The following SIPA1L3 variants were observed in gnomAD, a reference collection of about 807,000 sequenced individuals.
SIPA1L3 encodes signal-induced proliferation-associated 1-like protein 3.
SIPA1L3 carries 59 observed loss-of-function variants against 150.1 expected under a neutral mutation model. The observed-to-expected ratio is 0.39, with a 90% CI of 0.32 to 0.49. The LOEUF is 0.49. SIPA1L3 is among the 20% of genes least tolerant of loss of function. The pLI, the probability that SIPA1L3 is intolerant of heterozygous loss-of-function variation, is 0.86. For synonymous variants in SIPA1L3, 1,070 were observed against 1,077.6 expected (o/e 0.99, Z 0.14); for missense variants, 2,211 against 2,489.5 (o/e 0.89, Z 2.38).
chr19:38,052,417 T>C (rs961567585), intron 2 of SIPA1L3, among the ~76,000 whole-genome samples: 3 of 152,184 alleles, frequency 2.0e-5, no homozygotes, highest in African/African-American at 7.2e-5. Flanking sequence ...AGGGCAGTGT[T>C]GGGCGGAGGC....
At chr19:37,961,808 A>G (rs73034922) in intron 1 of SIPA1L3, among the ~76,000 whole-genome samples, 39,921 of 151,916 alleles carry the variant, frequency 0.26, 6,108 homozygotes, top group Non-Finnish European at 0.36. Flanking sequence ...TTCGTATTCA[A>G]TCTTTCTTAC....
chr19:38,112,350 T>C (rs977198917), intron 8 of SIPA1L3, among the ~76,000 whole-genome samples: 5 of 152,128 alleles, frequency 3.3e-5, no homozygotes, highest in Admixed American at 6.6e-5. Context: ...GGCAGCCTTC[T>C]TATGATGCAT....
In SIPA1L3 at chr19:38,045,761, T is replaced by C. The variant is rs966229681; in HGVS notation, c.-311+16605T>C. On this transcript the variant is annotated intron_variant, in intron 2 of 21. Coordinates refer to ENST00000222345, the MANE Select transcript of SIPA1L3 (RefSeq NM_015073.3). ...CTGGGGTGGGCTGGAGGCTGGGGCA[T>C]TTTGGCTGGGAGAATAGTCTGTGTG... Among the ~76,000 whole-genome samples the C allele has an allele frequency of 4.0e-5, 6 of 151,730 alleles. No homozygotes were observed. The East Asian group carries it at 1.2e-3, about 29-fold the overall frequency.
chr19:38,106,474 G>A (rs764851309), intron 6 of SIPA1L3, 63 bp from the exon 7 acceptor site: 14 of 1,037,132 alleles, frequency 1.3e-5, no homozygotes, highest in Middle Eastern at 2.0e-4. Context: ...CAGATGGTAC[G>A]TGGGATATGG....
chr19:38,129,326 C>T (rs1971254608), intron 9 of SIPA1L3, among the ~76,000 whole-genome samples: 1 of 151,976 alleles, frequency 6.6e-6, no homozygotes, highest in Admixed American at 6.6e-5. Context: ...GTTTCTTCCT[C>T]CAAGAATGGT....
At chr19:38,033,524 C>CA (rs925055947) in intron 2 of SIPA1L3, among the ~76,000 whole-genome samples, 2 of 152,048 alleles carry the variant, frequency 1.3e-5, no homozygotes, top group Non-Finnish European at 2.9e-5. Context: ...TCCATCTCTA[C>CA]AAAAAATGTT....
intron 1 of SIPA1L3, among the ~76,000 whole-genome samples, chr19:37,988,848 C>A (rs919555713): frequency 1.3e-5 from 2 of 152,270 alleles, no homozygotes; most frequent in Middle Eastern, 3.4e-3. Context: ...GCACCAGGCA[C>A]GTTCGCTCTC....
intron 13 of SIPA1L3, among the ~76,000 whole-genome samples, chr19:38,158,265 G>T (rs1201940482): frequency 6.6e-6 from 1 of 152,168 alleles, no homozygotes; most frequent in Non-Finnish European, 1.5e-5. Flanking sequence ...GTCACAGTGT[G>T]CAGAAGGAGA....
At chr19:38,010,490 C>T (rs1968072008) in intron 1 of SIPA1L3, among the ~76,000 whole-genome samples, 1 of 151,592 alleles carries the variant, frequency 6.6e-6, no homozygotes, top group South Asian at 2.1e-4. Context: ...GCAGGTGGAT[C>T]ACCTGAGGTC....
In SIPA1L3 at chr19:38,081,840, C is replaced by T; in HGVS notation, c.275C>T (p.Ala92Val). 6.2e-7 allele frequency: 1 copy of T among 1,613,902 alleles called. No homozygotes were observed. The highest frequency in any genetic ancestry group is 1.7e-5 in the Admixed American group (1 of 60,034). The change falls in exon 3 of 22, where the codon GCC (alanine) becomes GTC (valine). Residue 92 changes from alanine (A) to valine (V), a missense_variant. By Grantham distance (64) the Ala-to-Val change is moderately conservative. Around this residue, in one of 5 missense-constraint regions of SIPA1L3, gnomAD observed 130 missense variants for 174.5 expected, o/e 0.74. Coordinates refer to ENST00000222345, the MANE Select transcript of SIPA1L3 (RefSeq NM_015073.3). Reference sequence around the variant, plus strand: ...GCCGACTGGCCGCCCAAGCGGGAGGCCCTGAGAGAGCACAGCAACCCAAGC... The same window carrying T: ...GCCGACTGGCCGCCCAAGCGGGAGGTCCTGAGAGAGCACAGCAACCCAAGC... ...RVADWPPKRE[A>V]LREHSNPSPS...
rs34652077 is a variant in SIPA1L3, at chr19:37,912,237, C to CAA, written c.-379+4890_-379+4891dup. On this transcript the variant is annotated intron_variant, in intron 1 of 21. Transcript: ENST00000222345. ...GAGTGACAAGAGTGACACTCTGTCTCAAAAAAAAAAAAGTATAAAAAGTAT... is the reference window on the plus strand; with the variant it reads ...GAGTGACAAGAGTGACACTCTGTCTCAAAAAAAAAAAAAAGTATAAAAAGTAT... Among the ~76,000 whole-genome samples, 77 of 144,978 alleles carry CAA rather than the reference C, an allele frequency of 5.3e-4. 1 individual carries two copies. The highest frequency in any genetic ancestry group is 3.8e-3 in the East Asian group (19 of 4,942).
intron 5 of SIPA1L3, among the ~76,000 whole-genome samples, chr19:38,100,801 C>T (rs954715136): frequency 2.0e-5 from 3 of 152,218 alleles, no homozygotes; most frequent in Admixed American, 1.3e-4. Context: ...ACCAGCCGTC[C>T]TCCACCCGCC....
At chr19:38,191,585 G>T (rs1972804693) in intron 16 of SIPA1L3, among the ~76,000 whole-genome samples, 1 of 152,018 alleles carries the variant, frequency 6.6e-6, no homozygotes, top group South Asian at 2.1e-4. Flanking sequence ...GGCCGAGGCG[G>T]GTGGATCACC....
chr19:38,120,185 G>A (rs8105468), intron 9 of SIPA1L3, among the ~76,000 whole-genome samples: 22,715 of 151,978 alleles, frequency 0.15, 1,774 homozygotes, highest in African/African-American at 0.19. Context: ...TAGGCCAGGC[G>A]CCATGGCTCA....
At chr19:38,182,901 A>G in intron 16 of SIPA1L3, 161 bp downstream of exon 16, 1 of 598,608 alleles carries the variant, frequency 1.7e-6, no homozygotes, top group South Asian at 2.3e-5. Context: ...ACAGGCGAGA[A>G]CCCCTCTTGG....
At chr19:38,185,946 C>T (rs529136364) in intron 16 of SIPA1L3, 21 of 152,436 alleles carry the variant, frequency 1.4e-4, no homozygotes, top group African/African-American at 5.1e-4. Flanking sequence ...CACAGACACG[C>T]CTTTCTTGCA....
At chr19:38,158,793 G>C (rs763055855) in intron 13 of SIPA1L3, among the ~76,000 whole-genome samples, 2 of 152,224 alleles carry the variant, frequency 1.3e-5, no homozygotes, top group South Asian at 4.1e-4. Context: ...CAGGAAAACT[G>C]TGGGAGATGC....
intron 2 of SIPA1L3, among the ~76,000 whole-genome samples, chr19:38,069,258 G>A (rs947019491): frequency 1.3e-5 from 2 of 152,162 alleles, no homozygotes; most frequent in East Asian, 1.9e-4. Context: ...GGAGGGAGGC[G>A]AGGACAAGGC....
At chr19:38,136,649 T>C (rs73934104) in intron 10 of SIPA1L3, among the ~76,000 whole-genome samples, 10,270 of 152,176 alleles carry the variant, frequency 0.067, 1,027 homozygotes, top group African/African-American at 0.21. Context: ...CCTTCTCAAA[T>C]GTTATTGTGT....
Sources: allele counts gnomAD v4.1 joint callset (sites outside exome capture counted in the v4.1 genomes callset), GRCh38; gene constraint gnomAD v4.1.1; regional missense constraint gnomAD v4.1.1; transcripts MANE v1.5; gene names NCBI Gene and HGNC (gene_info 2026-07-23, HGNC 2026-07-21).